The following RBFOX1 variants were observed in gnomAD, a reference collection of about 807,000 sequenced individuals.
RBFOX1 encodes RNA binding fox-1 homolog 1.
Under a neutral mutation model 57.7 loss-of-function variants are expected in RBFOX1, and 8 were observed. That is an observed-to-expected ratio of 0.14 (90% CI 0.08 to 0.25). RBFOX1 has a LOEUF of 0.25. Among genes scored for constraint, RBFOX1 ranks in the 10% least tolerant of loss-of-function variants. The pLI is 1.00. For missense variants in RBFOX1, 611 were observed against 548.5 expected (o/e 1.11, Z -1.14); for synonymous variants, 326 against 222.4 (o/e 1.47, Z -4.15).
At chr16:5,965,439 A>G (rs941677594) in intron 4 of RBFOX1, among the ~76,000 whole-genome samples, 2 of 152,164 alleles carry the variant, frequency 1.3e-5, no homozygotes, top group East Asian at 1.9e-4. Flanking sequence ...TTTGTCAACC[A>G]TACCTCCACA....
intron 2 of RBFOX1, among the ~76,000 whole-genome samples, chr16:6,379,770 A>G (rs1480840635): frequency 1.3e-5 from 2 of 151,828 alleles, no homozygotes; most frequent in African/African-American, 4.8e-5. Context: ...AAAATCATTG[A>G]TGAGAAACTA....
At chr16:5,534,249 T>A (rs867008720) in intron 2 of RBFOX1, among the ~76,000 whole-genome samples, 4 of 152,190 alleles carry the variant, frequency 2.6e-5, no homozygotes, top group Middle Eastern at 3.2e-3. Context: ...AGTCATATAC[T>A]GTATTAGAGT....
At chr16:6,252,428 T>C (rs1287753292) in intron 1 of RBFOX1, among the ~76,000 whole-genome samples, 1 of 152,152 alleles carries the variant, frequency 6.6e-6, no homozygotes, top group East Asian at 1.9e-4. Context: ...AAAAAGCATC[T>C]TCCAAGTTGT....
Position 7,124,903 on chromosome 16 carries a change from G to C in RBFOX1, c.27+72805G>C, listed in dbSNP as rs80093061. On this transcript the variant is annotated intron_variant, in intron 4 of 15. Transcript: ENST00000550418. ...AAATATTTCACCAGCCAGTGACAGC[G>C]TTATGAGCTAATTAAAATCTGAGCC... Among the ~76,000 whole-genome samples the C allele has an allele frequency of 6.9e-3, 1,045 of 152,150 alleles. 10 individuals carry two copies. Among genetic ancestry groups the C allele is most frequent in the African/African-American group, 0.024 (999 of 41,498 alleles).
intron 4 of RBFOX1, among the ~76,000 whole-genome samples, chr16:5,968,371 G>A (rs1364622977): frequency 1.3e-5 from 2 of 152,050 alleles, no homozygotes; most frequent in Non-Finnish European, 2.9e-5. Context: ...CACTGCCCTG[G>A]CCTCTCCAGT....
chr16:6,554,890 T>C (rs1052311336), intron 2 of RBFOX1, among the ~76,000 whole-genome samples: 1 of 152,112 alleles, frequency 6.6e-6, no homozygotes, highest in African/African-American at 2.4e-5. Flanking sequence ...GTGCTGTAGC[T>C]GAGAAAGAAG....
intron 3 of RBFOX1, among the ~76,000 whole-genome samples, chr16:6,892,170 C>T (rs2065601877): frequency 6.6e-6 from 1 of 152,130 alleles, no homozygotes; most frequent in South Asian, 2.1e-4. Context: ...CACCCCTTCC[C>T]TTGGCGATTT....
At chr16:6,168,604 T>C (rs186521456) in intron 1 of RBFOX1, among the ~76,000 whole-genome samples, 7 of 152,272 alleles carry the variant, frequency 4.6e-5, no homozygotes, top group African/African-American at 1.7e-4. Context: ...TATTTTTATT[T>C]TTCTGGAAGT....
At chr16:5,402,862 A>C (rs1003310196) in intron 1 of RBFOX1, among the ~76,000 whole-genome samples, 3 of 152,328 alleles carry the variant, frequency 2.0e-5, no homozygotes, top group South Asian at 2.1e-4. Context: ...TAGATATATT[A>C]AGTGCCAGCC....
intron 1 of RBFOX1, among the ~76,000 whole-genome samples, chr16:6,061,126 C>T (rs1596838295): frequency 6.6e-6 from 1 of 152,184 alleles, no homozygotes; most frequent in South Asian, 2.1e-4. Flanking sequence ...CACCCCTAGT[C>T]CAATCTGCTG....
At chr16:7,322,801 C>A (rs1194890519) in intron 4 of RBFOX1, among the ~76,000 whole-genome samples, 1 of 152,162 alleles carries the variant, frequency 6.6e-6, no homozygotes, top group Admixed American at 6.5e-5. Flanking sequence ...AAAAAAAGGG[C>A]AACCTAATAA....
intron 1 of RBFOX1, among the ~76,000 whole-genome samples, chr16:6,162,007 C>A (rs961497842): frequency 1.3e-5 from 2 of 152,124 alleles, no homozygotes; most frequent in Admixed American, 1.3e-4. Context: ...GACTTTTTTT[C>A]TTAGTTATTA....
chr16:6,285,750 T>C (rs371185626), intron 1 of RBFOX1, among the ~76,000 whole-genome samples: 4 of 152,076 alleles, frequency 2.6e-5, no homozygotes, highest in African/African-American at 9.7e-5. Flanking sequence ...TCAGAGGAGA[T>C]TGGATTGTAG....
At chr16:7,144,581 C>T (rs1215765543) in intron 4 of RBFOX1, among the ~76,000 whole-genome samples, 2 of 151,786 alleles carry the variant, frequency 1.3e-5, no homozygotes, top group Non-Finnish European at 1.5e-5. Flanking sequence ...TGAGCTACTG[C>T]GCCTGAATCT....
At chr16:7,655,131 T>C (rs1423013711) in intron 12 of RBFOX1, among the ~76,000 whole-genome samples, 2 of 152,242 alleles carry the variant, frequency 1.3e-5, no homozygotes, top group Non-Finnish European at 1.5e-5. Flanking sequence ...TCATCTATTA[T>C]ACTCATGACA....
chr16:5,390,908 T>C (rs2151419060), intron 1 of RBFOX1, among the ~76,000 whole-genome samples: 1 of 152,204 alleles, frequency 6.6e-6, no homozygotes, highest in South Asian at 2.1e-4. Flanking sequence ...AGCATAGGCT[T>C]GGAGAGGGAA....
At chr16:7,538,171 A>G (rs1239010458) in intron 5 of RBFOX1, among the ~76,000 whole-genome samples, 1 of 152,296 alleles carries the variant, frequency 6.6e-6, no homozygotes, top group East Asian at 1.9e-4. Context: ...AGGACCTGCC[A>G]GAAGATCTGA....
intron 3 of RBFOX1, among the ~76,000 whole-genome samples, chr16:6,894,477 C>T (rs116741005): frequency 0.012 from 1,862 of 152,238 alleles, 49 homozygotes; most frequent in African/African-American, 0.042. Context: ...TTTGGTTGGA[C>T]TCCTGGGAAT....
At chr16:6,551,457 G>A (rs1012311597) in intron 2 of RBFOX1, among the ~76,000 whole-genome samples, 4 of 152,120 alleles carry the variant, frequency 2.6e-5, no homozygotes, top group African/African-American at 9.7e-5. Context: ...ATAATTTTAC[G>A]CTGTCTAACA....
Sources: gnomAD v4.1 joint callset for allele counts (sites outside exome capture counted in the v4.1 genomes callset) on GRCh38, gnomAD v4.1.1 for gene constraint, MANE v1.5 for transcripts, NCBI Gene and HGNC (gene_info 2026-07-23, HGNC 2026-07-21) for gene names.